Variants in C8orf89 observed in about 807,000 individuals in gnomAD.
The protein encoded by C8orf89 is putative uncharacterized protein C8orf89.
Under a neutral mutation model 15.8 loss-of-function variants are expected in C8orf89, and 14 were observed. The observed-to-expected ratio is 0.89, with a 90% CI of 0.59 to 1.39. C8orf89 has a LOEUF of 1.39. C8orf89 is among the 40% of genes most tolerant of loss of function. The pLI is 0.00. For synonymous variants in C8orf89, 55 were observed against 62.2 expected (o/e 0.88, Z 0.54); for missense variants, 181 against 184.5 (o/e 0.98, Z 0.11).
Position 73,257,081 on chromosome 8 carries a change from T to C in C8orf89, c.173A>G (p.Lys58Arg), listed in dbSNP as rs149169295. The C allele has an allele frequency of 2.0e-3, 3,073 of 1,535,596 alleles. 56 individuals carry two copies. The African/African-American group carries it at 0.037, about 18-fold the overall frequency. The change falls in exon 2 of 4, where the codon AAA (lysine) becomes AGA (arginine). Residue 58 changes from lysine to arginine, a missense_variant. Physicochemically the swap from Lys to Arg is conservative, Grantham distance 26. Transcript: ENST00000624510. ...FGLEELKECIKMPYLPGLQSC... is the reference protein window; with the variant it reads ...FGLEELKECIRMPYLPGLQSC... ...TTGCAGTCCTGGTAAATATGGCATT[T>C]TGATACATTCCTTGAGCTCTTCTAG...
chr8:73,265,141 T>C, the C8orf89 span, among the ~76,000 whole-genome samples: 3 of 152,242 alleles, frequency 2.0e-5, no homozygotes, highest in African/African-American at 7.2e-5. Context: ...TGATTTTATG[T>C]TGAAATGATA....
chr8:73,269,003 C>A, the C8orf89 span, among the ~76,000 whole-genome samples: 1 of 152,094 alleles, frequency 6.6e-6, no homozygotes, highest in Non-Finnish European at 1.5e-5. Context: ...TTGATTATAT[C>A]CTATTGATTA....
chr8:73,243,917 C>T (rs1333076335), intron 3 of C8orf89, among the ~76,000 whole-genome samples: 1 of 152,064 alleles, frequency 6.6e-6, no homozygotes, highest in Non-Finnish European at 1.5e-5. Context: ...TATAAAATTA[C>T]ATTGGTGCAA....
At position 73,241,467 on chromosome 8, in the gene C8orf89, C is replaced by G. The variant is rs544497100; in HGVS notation, c.476G>C (p.Arg159Pro). Residue 159 changes from arginine to proline, a missense_variant, in exon 4 of 4, where the codon CGA (arginine) becomes CCA (proline). Transcript: ENST00000624510. ...KSKKSKKRDL[R>P]DR ...ACTGTACGACATTTTTCAGCGGTCT[C>G]GGAGGTCTCGTTTCTTGCTTTTTTT... 3.3e-6 allele frequency: 5 copies of G among 1,527,876 alleles called. No individual in the cohort carries two copies. The highest frequency in any genetic ancestry group is 3.5e-6 in the Non-Finnish European group (4 of 1,142,262). 94.6% of individuals were successfully genotyped at this position (1,527,876 alleles called of 1,614,324 possible).
At chr8:73,256,729 A>T (rs1813396705) in intron 2 of C8orf89, among the ~76,000 whole-genome samples, 1 of 147,416 alleles carries the variant, frequency 6.8e-6, no homozygotes, top group Non-Finnish European at 1.5e-5. Flanking sequence ...TCTGTCTCAA[A>T]AAAAAAAAAA....
chr8:73,250,299 G>T lies in C8orf89; in HGVS notation c.306C>A (p.Cys102Ter). 6.5e-7 allele frequency: 1 copy of T among 1,532,474 alleles called. No individual in the cohort carries two copies. The highest frequency in any genetic ancestry group is 8.7e-7 in the Non-Finnish European group (1 of 1,144,208). 94.9% of individuals were successfully genotyped at this position (1,532,474 alleles called of 1,614,324 possible). A position where few individuals can be genotyped will look rare whatever the true frequency, so the allele number is the denominator to read the frequency against. Residue 102 changes from cysteine (C) to a stop codon, truncating the protein, a stop_gained, in exon 3 of 4, where the codon TGC becomes TGA. Coordinates refer to ENST00000624510, the MANE Select transcript of C8orf89 (RefSeq NM_001243237.3). LOFTEE classifies it high-confidence loss of function. ...AVRLKKTKET[C>*]SVAPLWEKSK... ...ATTTCTCCCAAAGTGGTGCCACACTGCATGTCTCCTTAGTCTTCTTTAGCC... is the reference window on the plus strand; with the variant it reads ...ATTTCTCCCAAAGTGGTGCCACACTTCATGTCTCCTTAGTCTTCTTTAGCC...
chr8:73,241,757 A>G (rs1563528675), intron 3 of C8orf89, among the ~76,000 whole-genome samples, 152 bp from the exon 4 acceptor site: 1 of 152,198 alleles, frequency 6.6e-6, no homozygotes. Flanking sequence ...AACCCAAAAA[A>G]AAGCATGCAT....
At chr8:73,281,588 C>A in the C8orf89 span, among the ~76,000 whole-genome samples, 1 of 152,196 alleles carries the variant, frequency 6.6e-6, no homozygotes, top group Non-Finnish European at 1.5e-5. Context: ...TATGGCACAA[C>A]AGAACTTTTG....
chr8:73,279,406 A>G, the C8orf89 span, among the ~76,000 whole-genome samples: 2 of 152,194 alleles, frequency 1.3e-5, no homozygotes, highest in Non-Finnish European at 2.9e-5. Context: ...ATATGAATTC[A>G]GACCCCAGAC....
chr8:73,257,145 G>T lies in C8orf89; in HGVS notation c.128-19C>A. 4 of 1,476,488 alleles carry T rather than the reference G, an allele frequency of 2.7e-6. No individual in the cohort carries two copies. The highest frequency in any genetic ancestry group is 1.3e-5 in the South Asian group (1 of 78,130). 91.5% of individuals were successfully genotyped at this position (1,476,488 alleles called of 1,614,324 possible). ...GTATATTCTGGTTAAAAATATATAA[G>T]AATCATCTTGATTAAATGCATACTA... On this transcript the variant is annotated intron_variant, in intron 1 of 3. Coordinates refer to ENST00000624510, the MANE Select transcript of C8orf89 (RefSeq NM_001243237.3).
At chr8:73,264,924 C>T in the C8orf89 span, among the ~76,000 whole-genome samples, 1 of 152,158 alleles carries the variant, frequency 6.6e-6, no homozygotes, top group Non-Finnish European at 1.5e-5. Flanking sequence ...ATGAGGTTGG[C>T]ATGTTCTATA....
chr8:73,277,504 T>A, the C8orf89 span: 18 of 789,774 alleles, frequency 2.3e-5, no homozygotes, highest in African/African-American at 3.1e-4. Context: ...CACGAAAACT[T>A]CCCTGAGGAT....
At chr8:73,256,349 G>C (rs1207767708) in intron 2 of C8orf89, among the ~76,000 whole-genome samples, 1 of 150,880 alleles carries the variant, frequency 6.6e-6, no homozygotes, top group Non-Finnish European at 1.5e-5. Context: ...ATATTGCAGA[G>C]AGTTAATTTT....
rs762396767 is a variant in C8orf89 at position 73,259,447 on chromosome 8, T to C, written c.12A>G (p.Leu4=). The C allele has an allele frequency of 1.2e-5, 19 of 1,530,008 alleles. No individual in the cohort carries two copies. Among genetic ancestry groups the C allele is most frequent in the Middle Eastern group, 3.3e-4 (2 of 5,994 alleles). 94.8% of individuals were successfully genotyped at this position (1,530,008 alleles called of 1,614,324 possible). MSV[L]SPEIKCETSK... is the part of the protein sequence containing the mutation. ...AAGTCTCACATTTGATTTCAGGAGA[T>C]AGCACTGACATTTTTTCTTCTTTCA... The change falls in exon 1 of 4, where the codon CTA becomes CTG. Residue 4 remains leucine (L), a synonymous_variant. Transcript: ENST00000624510.
chr8:73,275,853 AT>A, the C8orf89 span, among the ~76,000 whole-genome samples: 1 of 152,144 alleles, frequency 6.6e-6, no homozygotes, highest in Non-Finnish European at 1.5e-5. Context: ...CTATTTTTCT[AT>A]AATATCATAT....
At chr8:73,254,846 T>C (rs1813334553) in intron 2 of C8orf89, among the ~76,000 whole-genome samples, 1 of 152,044 alleles carries the variant, frequency 6.6e-6, no homozygotes, top group Non-Finnish European at 1.5e-5. Flanking sequence ...TTGACAAACC[T>C]GAGAAAAATA....
chr8:73,257,510 C>A (rs1244375767), intron 1 of C8orf89, among the ~76,000 whole-genome samples: 2 of 152,146 alleles, frequency 1.3e-5, no homozygotes, highest in African/African-American at 4.8e-5. Flanking sequence ...CATTTTCCTG[C>A]TTTTATGTAA....
At chr8:73,267,304 T>C in the C8orf89 span, among the ~76,000 whole-genome samples, 1 of 152,236 alleles carries the variant, frequency 6.6e-6, no homozygotes, top group African/African-American at 2.4e-5. Context: ...ATAAAAGTTA[T>C]GTGAATGTGC....
At chr8:73,248,478 A>G (rs529533407) in intron 3 of C8orf89, among the ~76,000 whole-genome samples, 2 of 152,202 alleles carry the variant, frequency 1.3e-5, no homozygotes, top group Non-Finnish European at 2.9e-5. Context: ...TCTATGAAGA[A>G]TGTCATTGGT....
Sources: gnomAD v4.1 joint callset for allele counts (sites outside exome capture counted in the v4.1 genomes callset) on GRCh38, gnomAD v4.1.1 for gene constraint, MANE v1.5 for transcripts, NCBI Gene and HGNC (gene_info 2026-07-23, HGNC 2026-07-21) for gene names.